MUC15: variants seen among roughly 807,000 people sequenced by gnomAD.
MUC15 encodes the protein mucin 15, cell surface associated, also known as mucin-15.
Under a neutral mutation model 24.0 loss-of-function variants are expected in MUC15, and 23 were observed. That is an observed-to-expected ratio of 0.96 (90% confidence interval 0.69 to 1.36). The LOEUF is 1.36. MUC15 is among the 40% of genes most tolerant of loss of function. The pLI, the probability that MUC15 is intolerant of heterozygous loss-of-function variation, is 0.00. For synonymous variants in MUC15, 151 were observed against 156.3 expected, an observed-to-expected ratio of 0.97 and a Z score of 0.25; for missense variants, 442 against 428.2, an observed-to-expected ratio of 1.03 and a Z score of -0.29.
In MUC15 at chr11:26,565,803, G is replaced by A. The variant is rs293979; in HGVS notation, c.137C>T (p.Ser46Leu). ...TTGATTTTCTTTTCCATGGCTCCCC[G>A]ATAGAAGTGAATAAAACAACGTTGA... ...LISTLFYSLL[S>L]GSHGKENQDI... Residue 46 changes from serine (S) to leucine (L), a missense_variant, in exon 3 of 5, where the codon TCG becomes TTG. Transcript: ENST00000529533. 24 of 1,611,394 alleles carry A rather than the reference G, an allele frequency of 1.5e-5. No individual in the cohort carries two copies. Among genetic ancestry groups the A allele is most frequent in the Middle Eastern group, 1.7e-4 (1 of 6,052 alleles).
chr11:26,567,254 T>A, intron 1 of MUC15, 115 bp from the exon 2 acceptor site: 1 of 632,752 alleles, frequency 1.6e-6, no homozygotes, highest in South Asian at 5.7e-5. Context: ...TAGACTTTTT[T>A]TTCCTCAAGC....
chr11:26,567,187 A>G lies in MUC15; in HGVS notation c.-45-48T>C, dbSNP rs888651291. ...TTTAAAGCCAAGTCAACTGACTCCA[A>G]TCTCATTAGAGGCTAAAATTTGCAG... On this transcript the variant is annotated intron_variant, in intron 1 of 4. Transcript: ENST00000529533. 7.5e-6 allele frequency: 9 copies of G among 1,200,148 alleles called. No individual in the cohort carries two copies. The South Asian group carries it at 1.8e-4, about 23-fold the overall frequency. 74.3% of individuals were successfully genotyped at this position (1,200,148 alleles called of 1,614,324 possible). A position where few individuals can be genotyped will look rare whatever the true frequency, so the allele number is the denominator to read the frequency against.
Position 26,565,236 on chromosome 11 carries a change from G to GT in MUC15, c.703dup (p.Thr235AsnfsTer12), listed in dbSNP as rs1194128141. 1.3e-6 allele frequency: 2 copies of GT among 1,544,534 alleles called. No homozygotes were observed. Reference sequence around the variant, plus strand: ...GAATTTTAAGGTAGGCTGTAGAGTTGTTTTTTCTTGATAAGGGGTAAACCC... The same window carrying GT: ...GAATTTTAAGGTAGGCTGTAGAGTTGTTTTTTTCTTGATAAGGGGTAAACCC... On this transcript the variant is annotated frameshift_variant, in exon 3 of 5. Coordinates refer to ENST00000529533, the MANE Select transcript of MUC15 (RefSeq NM_001135091.2). LOFTEE classifies it high-confidence loss of function.
rs1850248035 is a variant in MUC15, at chr11:26,560,548, C to T, written c.*517G>A. On this transcript the variant is annotated 3_prime_UTR_variant, in exon 5 of 5. Transcript: ENST00000529533. ...GTACTAGAATACAGGTCTGTCATTT[C>T]TATTGCCTCAATTTCCCAATAACAG... 1 of 152,922 alleles carries T rather than the reference C, an allele frequency of 6.5e-6. No homozygotes were observed. The highest frequency in any genetic ancestry group is 2.4e-5 in the African/African-American group (1 of 41,422). 9.5% of individuals were successfully genotyped at this position (152,922 alleles called of 1,614,324 possible). A position where few individuals can be genotyped will look rare whatever the true frequency, so the allele number is the denominator to read the frequency against.
At chr11:26,568,248 G>A (rs1412097750) in intron 1 of MUC15, among the ~76,000 whole-genome samples, 1 of 151,952 alleles carries the variant, frequency 6.6e-6, no homozygotes, top group East Asian at 1.9e-4. Flanking sequence ...TAAACAAATG[G>A]TGAAGAAGGG....
chr11:26,565,054 A>G, intron 3 of MUC15, 111 bp downstream of exon 3: 1 of 1,088,546 alleles, frequency 9.2e-7, no homozygotes, highest in Non-Finnish European at 1.3e-6. Context: ...AATCCATGCT[A>G]TTGTGTTCTC....
chr11:26,561,257 A>G, intron 4 of MUC15, 32 bp from the exon 5 acceptor site: 4 of 1,513,638 alleles, frequency 2.6e-6, no homozygotes, highest in Admixed American at 2.1e-5. Flanking sequence ...ACTGTTTCAC[A>G]GTGATACTCT....
rs765452995 is a variant in MUC15, at chr11:26,565,349, G to A, written c.591C>T (p.Ile197=). 49 of 1,612,520 alleles carry A rather than the reference G, an allele frequency of 3.0e-5. No homozygotes were observed. Among genetic ancestry groups the A allele is most frequent in the Non-Finnish European group, 2.4e-5 (28 of 1,179,196 alleles). The change falls in exon 3 of 5, where the codon ATC becomes ATT. Residue 197 remains isoleucine, a synonymous_variant. Coordinates refer to ENST00000529533, the MANE Select transcript of MUC15 (RefSeq NM_001135091.2). ...ATGGAGAAGTTGGTTCTGAAGAGAG[G>A]ATGCTAACTGTAATGGAACTGTTAT... ...TPDNSSITVS[I]LSSEPTSPSV...
In MUC15 at chr11:26,567,957, G is replaced by A. The variant is rs142568836; in HGVS notation, c.-45-818C>T. ...AACAGGCAAAAAGCTACAATGATAC[G>A]ATTGGGAAAGGGCTTTATTACTGGA... On this transcript the variant is annotated intron_variant, in intron 1 of 4. Coordinates refer to ENST00000529533, the MANE Select transcript of MUC15 (RefSeq NM_001135091.2). 5.9e-5 allele frequency among the ~76,000 whole-genome samples: 9 copies of A among 152,082 alleles called. No individual in the cohort carries two copies. In the East Asian group the frequency reaches 1.5e-3, roughly 26 times the overall value.
At position 26,565,914 on chromosome 11, in the gene MUC15, T is replaced by G. The variant is rs763631560; in HGVS notation, c.44-18A>C. The stretch of plus-strand genomic sequence containing the variant: ...AAAGGAATCTGAAAGAAAATAACCA[T>G]AATTTGAATTCCTTAAATAAAATAC... On this transcript the variant is annotated intron_variant, in intron 2 of 4. Transcript: ENST00000529533. The G allele has an allele frequency of 1.9e-6, 3 of 1,549,394 alleles. No homozygotes were observed. In the South Asian group the frequency reaches 3.7e-5, roughly 19 times the overall value.
At chr11:26,570,155 CT>C (rs1351283553) in intron 1 of MUC15, among the ~76,000 whole-genome samples, 1 of 151,976 alleles carries the variant, frequency 6.6e-6, no homozygotes, top group Non-Finnish European at 1.5e-5. Flanking sequence ...TAAAATTTAA[CT>C]AGTTTTAAAA....
chr11:26,565,162 T>C lies in MUC15; in HGVS notation c.775+3A>G. 6.7e-7 allele frequency: 1 copy of C among 1,499,700 alleles called. No individual in the cohort carries two copies. The highest frequency in any genetic ancestry group is 8.9e-7 in the Non-Finnish European group (1 of 1,124,598). The allele number at this position is 1,499,700 out of a possible 1,614,324, so 92.9% of individuals were successfully genotyped here. ...AAGGAAAGTTAAAATCATTTATATT[T>C]ACCTTTTTGGGGATCTGACGTATTT... On this transcript the variant is annotated splice_donor_region_variant and intron_variant, in intron 3 of 4. Transcript: ENST00000529533.
chr11:26,563,391 C>CTGTGTGTGTGTG (rs1324484561), intron 3 of MUC15, 126 bp from the exon 4 acceptor site: 3 of 840,784 alleles, frequency 3.6e-6, no homozygotes, highest in Non-Finnish European at 4.9e-6. Flanking sequence ...GTGTGTTTCT[C>CTGTGTGTGTGTG]TCTCTGTGTG....
At position 26,559,709 on chromosome 11, in the gene MUC15, T is replaced by C; in HGVS notation, c.*1356A>G. On this transcript the variant is annotated 3_prime_UTR_variant, in exon 5 of 5. Coordinates refer to ENST00000529533, the MANE Select transcript of MUC15 (RefSeq NM_001135091.2). ...TGCATGACTAATATTTCTGTTTGTT[T>C]TCTACTCAGGTGACATATTTGTTCG... is the stretch of plus-strand genomic sequence containing the variant. The C allele has an allele frequency of 6.2e-7, 1 of 1,606,388 alleles. No individual in the cohort carries two copies. The highest frequency in any genetic ancestry group is 8.5e-7 in the Non-Finnish European group (1 of 1,173,236).
In MUC15 at chr11:26,561,217, A is replaced by G. The variant is rs755698603; in HGVS notation, c.934T>C (p.Leu312=). 1 of 1,602,488 alleles carries G rather than the reference A, an allele frequency of 6.2e-7. No individual in the cohort carries two copies. Among genetic ancestry groups the G allele is most frequent in the East Asian group, 2.3e-5 (1 of 44,032 alleles). Reference sequence around the variant, plus strand: ...TCATAAGGTTCCGGTGCATTGTCTAATCGCAGAACTAAAAAAGTAACAAAA... The same window carrying G: ...TCATAAGGTTCCGGTGCATTGTCTAGTCGCAGAACTAAAAAAGTAACAAAA... ...YDDRNEPVLR[L]DNAPEPYDVS... The change falls in exon 5 of 5, where the codon TTA becomes CTA. Residue 312 remains leucine, a synonymous_variant. Transcript: ENST00000529533.
intron 4 of MUC15, among the ~76,000 whole-genome samples, chr11:26,561,502 G>A (rs942336870): frequency 2.0e-5 from 3 of 151,956 alleles, no homozygotes; most frequent in African/African-American, 7.2e-5. Flanking sequence ...TCAATACCTT[G>A]CATAAAGAAG....
chr11:26,568,303 T>C (rs1850677065), intron 1 of MUC15, among the ~76,000 whole-genome samples: 1 of 152,010 alleles, frequency 6.6e-6, no homozygotes, highest in African/African-American at 2.4e-5. Context: ...ACATAAATAA[T>C]GTAAGTAATG....
intron 1 of MUC15, among the ~76,000 whole-genome samples, chr11:26,570,258 G>A (rs975077170): frequency 6.6e-6 from 1 of 152,068 alleles, no homozygotes; most frequent in Non-Finnish European, 1.5e-5. Context: ...GCACTGGAAA[G>A]TGGTTTCACA....
At chr11:26,562,869 GATT>G in intron 4 of MUC15, among the ~76,000 whole-genome samples, 1 of 151,922 alleles carries the variant, frequency 6.6e-6, no homozygotes, top group South Asian at 2.1e-4. Flanking sequence ...TAGATTCTTG[GATT>G]ATTATTTAAA....
Sources: allele counts gnomAD v4.1 joint callset (sites outside exome capture counted in the v4.1 genomes callset), GRCh38; gene constraint gnomAD v4.1.1; transcripts MANE v1.5; gene names NCBI Gene and HGNC (gene_info 2026-07-23, HGNC 2026-07-21).